Variants in EVA1A observed in about 807,000 individuals in gnomAD.
EVA1A encodes the protein protein eva-1 homolog A.
In EVA1A, 7 loss-of-function variants were observed where a neutral mutation model predicts 9.8. The ratio of observed to expected loss-of-function variants is 0.71; its 90% CI spans 0.41 to 1.34. The LOEUF is 1.34. Among genes scored for constraint, EVA1A ranks in the 40% most tolerant of loss-of-function variants. The pLI, the probability that EVA1A is intolerant of heterozygous loss-of-function variation, is 0.01. For missense variants in EVA1A, 206 were observed against 205.9 expected (o/e 1.00, Z 0.00); for synonymous variants, 90 against 85.6 (o/e 1.05, Z -0.28).
At position 75,493,511 on chromosome 2, in the gene EVA1A, C is replaced by T. The variant is rs150035696; in HGVS notation, c.184G>A (p.Asp62Asn). 1,116 of 1,614,232 alleles carry T rather than the reference C, an allele frequency of 6.9e-4. 1 individual carries two copies. Among genetic ancestry groups the T allele is most frequent in the Non-Finnish European group, 8.8e-4 (1,041 of 1,180,048 alleles). The change falls in exon 4 of 4, where the codon GAC (aspartate) becomes AAC (asparagine). Residue 62 changes from aspartate to asparagine, a missense_variant. Transcript: ENST00000393913. Reference sequence around the variant, plus strand: ...TTCTTCCCGGGACGCCGCCTGCAGTCTGTGTGGCAAGAGATCCTTATCACC... The same window carrying T: ...TTCTTCCCGGGACGCCGCCTGCAGTTTGTGTGGCAAGAGATCCTTATCACC... ...ALVIRISCHT[D>N]CRRRPGKKFL...
At chr2:75,511,402 G>A (rs1240680658) in intron 3 of EVA1A, among the ~76,000 whole-genome samples, 2 of 152,086 alleles carry the variant, frequency 1.3e-5, no homozygotes, top group Non-Finnish European at 2.9e-5. Flanking sequence ...TAAAGAACCG[G>A]TTAAACTATG....
chr2:75,495,294 T>C (rs1479308935), intron 3 of EVA1A, among the ~76,000 whole-genome samples: 4 of 152,068 alleles, frequency 2.6e-5, no homozygotes, highest in African/African-American at 7.2e-5. Context: ...TGGAAGCACA[T>C]TGTGGGGGCA....
At chr2:75,508,953 C>A (rs1034930817) in intron 3 of EVA1A, among the ~76,000 whole-genome samples, 1 of 152,068 alleles carries the variant, frequency 6.6e-6, no homozygotes, top group Non-Finnish European at 1.5e-5. Flanking sequence ...CTCTGTGCCA[C>A]AAAATATATA....
At chr2:75,493,676 G>A in intron 3 of EVA1A, 67 bp from the exon 4 acceptor site, 1 of 1,446,778 alleles carries the variant, frequency 6.9e-7, no homozygotes, top group South Asian at 1.4e-5. Flanking sequence ...GATCCAATAT[G>A]ACTCCAGCCT....
intron 1 of EVA1A, among the ~76,000 whole-genome samples, chr2:75,538,166 T>C (rs1424300733): frequency 2.0e-5 from 3 of 152,120 alleles, no homozygotes; most frequent in African/African-American, 7.2e-5. Context: ...GGCATGTGCC[T>C]GTAGTCCCAG....
chr2:75,503,824 A>G (rs1303847055), intron 3 of EVA1A, among the ~76,000 whole-genome samples: 2 of 152,160 alleles, frequency 1.3e-5, no homozygotes, highest in Non-Finnish European at 2.9e-5. Flanking sequence ...ACAAATATAC[A>G]GTTAGATAGA....
At chr2:75,564,257 T>A (rs1449278028), upstream of EVA1A, among the ~76,000 whole-genome samples, 2 of 151,956 alleles carry the variant, frequency 1.3e-5, no homozygotes, top group African/African-American at 4.8e-5. Context: ...GAGTAGGGAG[T>A]CCATGTGCAC....
At chr2:75,551,112 A>T (rs1676505724) in intron 1 of EVA1A, among the ~76,000 whole-genome samples, 1 of 152,042 alleles carries the variant, frequency 6.6e-6, no homozygotes, top group African/African-American at 2.4e-5. Flanking sequence ...ACAGAGCAAG[A>T]CTCTGCTCAA....
chr2:75,519,349 T>A (rs554683075), intron 2 of EVA1A, among the ~76,000 whole-genome samples: 1 of 152,126 alleles, frequency 6.6e-6, no homozygotes, highest in African/African-American at 2.4e-5. Context: ...ATGAGTAACA[T>A]GGGCCACAAT....
intron 1 of EVA1A, among the ~76,000 whole-genome samples, chr2:75,532,159 C>CAAAA (rs543115764): frequency 6.9e-5 from 4 of 57,868 alleles, no homozygotes; most frequent in Admixed American, 2.3e-4. Flanking sequence ...GACTCTGTCT[C>CAAAA]AAAAAAAAAA....
chr2:75,530,511 T>C (rs1046473616), intron 1 of EVA1A, among the ~76,000 whole-genome samples: 2 of 152,070 alleles, frequency 1.3e-5, no homozygotes, highest in African/African-American at 4.8e-5. Context: ...AACAAAATAC[T>C]AGCTAACTGA....
At chr2:75,557,209 G>A (rs1676745038) in intron 1 of EVA1A, among the ~76,000 whole-genome samples, 1 of 152,180 alleles carries the variant, frequency 6.6e-6, no homozygotes, top group Non-Finnish European at 1.5e-5. Flanking sequence ...AGGCAGTCTA[G>A]CCCACAGAGC....
intron 3 of EVA1A, among the ~76,000 whole-genome samples, chr2:75,502,226 A>G (rs1201367322): frequency 6.6e-6 from 1 of 152,338 alleles, no homozygotes; most frequent in East Asian, 1.9e-4. Context: ...TAAGGCAGCA[A>G]ACATAACCCT....
In EVA1A at chr2:75,530,335, T is replaced by G. The variant is rs1190649107; in HGVS notation, c.-191-7848A>C. The stretch of plus-strand genomic sequence containing the variant: ...TTCTATCAGGCATTCAAAGAAGAAT[T>G]GGTACCAATATTGCTAAAACTATTC... On this transcript the variant is annotated intron_variant, in intron 1 of 3. Coordinates refer to ENST00000393913, the MANE Select transcript of EVA1A (RefSeq NM_001135032.2). Among the ~76,000 whole-genome samples, 3 of 152,066 alleles carry G rather than the reference T, an allele frequency of 2.0e-5. No individual in the cohort carries two copies. The East Asian group carries it at 5.8e-4, about 29-fold the overall frequency.
intron 3 of EVA1A, among the ~76,000 whole-genome samples, chr2:75,507,585 C>T (rs1167316326): frequency 6.6e-6 from 1 of 152,178 alleles, no homozygotes; most frequent in Non-Finnish European, 1.5e-5. Context: ...AGGCAACCTA[C>T]TGACCTCAAA....
chr2:75,542,741 T>C (rs2103943410), intron 1 of EVA1A: 1 of 152,260 alleles, frequency 6.6e-6, no homozygotes, highest in Non-Finnish European at 1.5e-5. Context: ...TCTTTGAAAA[T>C]AAGGCCCTTA....
intron 3 of EVA1A, among the ~76,000 whole-genome samples, chr2:75,502,049 A>G (rs1158933353): frequency 6.6e-6 from 1 of 152,266 alleles, no homozygotes; most frequent in Admixed American, 6.5e-5. Flanking sequence ...ACAGTACATC[A>G]GTTACACTTG....
chr2:75,509,191 A>C (rs1204818815), intron 3 of EVA1A, among the ~76,000 whole-genome samples: 1 of 152,188 alleles, frequency 6.6e-6, no homozygotes, highest in Non-Finnish European at 1.5e-5. Flanking sequence ...ATGTCCTATA[A>C]AAATTTAAGT....
intron 2 of EVA1A, among the ~76,000 whole-genome samples, chr2:75,520,037 AT>A (rs1318244383): frequency 1.3e-5 from 2 of 152,084 alleles, no homozygotes. Flanking sequence ...CACAATACAC[AT>A]CCACTTTCAC....
Sources: allele counts gnomAD v4.1 joint callset (sites outside exome capture counted in the v4.1 genomes callset), GRCh38; gene constraint gnomAD v4.1.1; transcripts MANE v1.5; gene names NCBI Gene and HGNC (gene_info 2026-07-23, HGNC 2026-07-21).